RBKS: variants seen among roughly 807,000 people sequenced by gnomAD.
The protein encoded by RBKS is ribokinase.
Under a neutral mutation model 33.9 loss-of-function variants are expected in RBKS, and 33 were observed. The observed-to-expected ratio is 0.97, with a 90% CI of 0.74 to 1.30. RBKS has a LOEUF of 1.30. Among genes scored for constraint, RBKS ranks in the 50% most tolerant of loss-of-function variants. The probability of loss-of-function intolerance (pLI) is 0.00; values close to 1 mark genes in which losing one functional copy is unlikely to be tolerated. For synonymous variants in RBKS, 125 were observed against 143.0 expected, an observed-to-expected ratio of 0.87 and a Z score of 0.90; for missense variants, 361 against 392.6, an observed-to-expected ratio of 0.92 and a Z score of 0.68.
Position 27,890,174 on chromosome 2 carries a change from C to T in RBKS, c.89+83G>A. 1.5e-6 allele frequency: 2 copies of T among 1,325,676 alleles called. No homozygotes were observed. Among genetic ancestry groups the T allele is most frequent in the Non-Finnish European group, 2.1e-6 (2 of 936,190 alleles). The allele number at this position is 1,325,676 out of a possible 1,614,324, so 82.1% of individuals were successfully genotyped here. A position where few individuals can be genotyped will look rare whatever the true frequency, so the allele number is the denominator to read the frequency against. Reference sequence around the variant, plus strand: ...GCACTGTCTATCCCTGGAGACCCAGCGCCCAAAAGCTCCACTGGGCGCATA... The same window carrying T: ...GCACTGTCTATCCCTGGAGACCCAGTGCCCAAAAGCTCCACTGGGCGCATA... On this transcript the variant is annotated intron_variant, in intron 1 of 7. Transcript: ENST00000302188. This position sits in a 1 kb window ranked among gnomAD's most constrained non-coding sequence, Gnocchi z 4.8.
At chr2:27,829,534 A>G (rs1008824426) in intron 6 of RBKS, among the ~76,000 whole-genome samples, 1 of 151,710 alleles carries the variant, frequency 6.6e-6, no homozygotes, top group Non-Finnish European at 1.5e-5. Context: ...ACACCTGGCT[A>G]ATTTTTGTAT....
intron 7 of RBKS, among the ~76,000 whole-genome samples, chr2:27,788,433 C>T (rs1009328612): frequency 3.3e-5 from 5 of 152,168 alleles, no homozygotes; most frequent in Admixed American, 1.3e-4. Context: ...CAGCCAGGCG[C>T]GGTGGCTCAC....
intron 2 of RBKS, among the ~76,000 whole-genome samples, chr2:27,857,347 G>A (rs13025314): frequency 0.26 from 39,381 of 151,952 alleles, 6,127 homozygotes; most frequent in East Asian, 0.63. Context: ...TAATGCTAGC[G>A]CCTTAAAATT....
At chr2:27,856,076 C>A (rs1663851772) in intron 2 of RBKS, among the ~76,000 whole-genome samples, 2 of 152,174 alleles carry the variant, frequency 1.3e-5, no homozygotes, top group Admixed American at 1.3e-4. Flanking sequence ...GATTAATGGA[C>A]AGATAATAAC....
chr2:27,826,546 C>CT (rs771912203), intron 7 of RBKS, among the ~76,000 whole-genome samples: 1 of 152,010 alleles, frequency 6.6e-6, no homozygotes, highest in African/African-American at 2.4e-5. Flanking sequence ...GTAGCTGAGA[C>CT]TACAGGTGTG....
chr2:27,889,766 C>T (rs371141172), intron 1 of RBKS, among the ~76,000 whole-genome samples: 1 of 152,132 alleles, frequency 6.6e-6, no homozygotes, highest in Admixed American at 6.5e-5. Context: ...TTTTTGATTT[C>T]TGCTCAACTC....
chr2:27,805,128 C>T (rs552279714), intron 7 of RBKS, among the ~76,000 whole-genome samples: 2 of 152,226 alleles, frequency 1.3e-5, no homozygotes, highest in Non-Finnish European at 2.9e-5. Context: ...TTTTGGCTTC[C>T]CTGGGCCACA....
chr2:27,844,419 G>A (rs932165027), intron 4 of RBKS, among the ~76,000 whole-genome samples: 1 of 151,932 alleles, frequency 6.6e-6, no homozygotes, highest in African/African-American at 2.4e-5. Context: ...AAATTTTGGG[G>A]TCTCACTCTG....
In RBKS at chr2:27,880,486, C is replaced by T. The variant is rs62140362; in HGVS notation, c.89+9771G>A. On this transcript the variant is annotated intron_variant, in intron 1 of 7. Coordinates refer to ENST00000302188, the MANE Select transcript of RBKS (RefSeq NM_022128.3). The stretch of plus-strand genomic sequence containing the variant: ...TAGGAAGAGAGGAAGTCAAACTATC[C>T]CTATTTGCATGATTCTATACCTAGG... Among the ~76,000 whole-genome samples the T allele has an allele frequency of 1.3e-3, 193 of 152,064 alleles. 1 individual carries two copies. Among genetic ancestry groups the T allele is most frequent in the Non-Finnish European group, 2.2e-3 (151 of 67,946 alleles).
intron 7 of RBKS, among the ~76,000 whole-genome samples, chr2:27,824,436 A>G (rs1380460982): frequency 6.6e-6 from 1 of 152,084 alleles, no homozygotes; most frequent in East Asian, 1.9e-4. Context: ...GTATCTATGG[A>G]TTGATCTATT....
intron 1 of RBKS, among the ~76,000 whole-genome samples, chr2:27,889,402 G>A (rs1159877337): frequency 6.6e-6 from 1 of 152,168 alleles, no homozygotes; most frequent in Admixed American, 6.5e-5. Flanking sequence ...CATTACAACT[G>A]AAAAGATATT....
At chr2:27,836,875 CCAAAAAACATA>C (rs1482892037) in intron 5 of RBKS, among the ~76,000 whole-genome samples, 6 of 152,042 alleles carry the variant, frequency 3.9e-5, no homozygotes, top group Admixed American at 3.3e-4. Context: ...CACGAGTGGG[CCAAAAAACATA>C]TGAAAAACTA....
At chr2:27,861,663 T>TTTTTTGGGG in intron 1 of RBKS, 1 of 307,246 alleles carries the variant, frequency 3.3e-6, no homozygotes, top group South Asian at 2.5e-5. Context: ...CATTTCTTTT[T>TTTTTTGGGG]GGGGGGGGGG....
chr2:27,835,088 C>A (rs1323276069), intron 5 of RBKS, among the ~76,000 whole-genome samples: 1 of 151,930 alleles, frequency 6.6e-6, no homozygotes, highest in Admixed American at 6.6e-5. Context: ...CCAGCCTGAC[C>A]AACATGGTGA....
rs961737559 is a variant in RBKS at position 27,794,450 on chromosome 2, T to C, written c.796-12662A>G. ...TTCTACCCCTGAATGATTTCTCTCT[T>C]TCTTTTTAATTAAGTGGACATCTGC... On this transcript the variant is annotated intron_variant, in intron 7 of 7. Coordinates refer to ENST00000302188, the MANE Select transcript of RBKS (RefSeq NM_022128.3). 6.6e-5 allele frequency among the ~76,000 whole-genome samples: 10 copies of C among 151,802 alleles called. No individual in the cohort carries two copies. In the East Asian group the frequency reaches 7.7e-4, roughly 12 times the overall value.
intron 2 of RBKS, among the ~76,000 whole-genome samples, chr2:27,854,592 C>T (rs1663815183): frequency 6.6e-6 from 1 of 152,148 alleles, no homozygotes; most frequent in South Asian, 2.1e-4. Context: ...CTGGAAATTC[C>T]CCACCCTTTT....
intron 1 of RBKS, among the ~76,000 whole-genome samples, chr2:27,881,606 T>A (rs1011162459): frequency 1.3e-5 from 2 of 151,936 alleles, no homozygotes; most frequent in Non-Finnish European, 2.9e-5. Flanking sequence ...AGAGCCTGAA[T>A]AGCCAAGGCA....
intron 1 of RBKS, among the ~76,000 whole-genome samples, chr2:27,866,561 C>T (rs939207249): frequency 2.0e-5 from 3 of 152,168 alleles, no homozygotes; most frequent in African/African-American, 7.2e-5. Flanking sequence ...TTCCACAGGT[C>T]ACAGACACTG....
At chr2:27,839,258 TACTTTGTATCATACTGATAATTTA>T (rs901440528) in intron 5 of RBKS, among the ~76,000 whole-genome samples, 6 of 152,242 alleles carry the variant, frequency 3.9e-5, no homozygotes, top group Non-Finnish European at 8.8e-5. Flanking sequence ...CATTAAAAGA[TACTTTGTATCATACTGATAATTTA>T]ACTTTGGCAA....
Sources: gnomAD v4.1 joint callset for allele counts (sites outside exome capture counted in the v4.1 genomes callset) on GRCh38, gnomAD v4.1.1 for gene constraint, Gnocchi (gnomAD v3.1) non-coding constraint, MANE v1.5 for transcripts, NCBI Gene and HGNC (gene_info 2026-07-23, HGNC 2026-07-21) for gene names.